The following ATXN1 variants were observed in gnomAD, a reference collection of about 807,000 sequenced individuals.
ATXN1 encodes the protein ataxin-1.
A neutral mutation model predicts 56.4 loss-of-function variants in ATXN1; 8 were observed. The ratio of observed to expected loss-of-function variants is 0.14; its 90% CI spans 0.08 to 0.26. ATXN1 has a LOEUF of 0.26. Among genes scored for constraint, ATXN1 ranks in the 10% least tolerant of loss-of-function variants. The pLI is 1.00. For synonymous variants in ATXN1, 514 were observed against 494.6 expected (o/e 1.04, Z -0.52); for missense variants, 987 against 1,106.5 (o/e 0.89, Z 1.53).
chr6:16,760,391 G>A lies in ATXN1; in HGVS notation c.-730+907C>T, dbSNP rs1195813628. Reference sequence around the variant, plus strand: ...GGCGGGGGCGCCGGCCCGGACTGGGGCGCTCGCGGGCTCCCGGCTCCGGGC... The same window carrying A: ...GGCGGGGGCGCCGGCCCGGACTGGGACGCTCGCGGGCTCCCGGCTCCGGGC... On this transcript the variant is annotated intron_variant, in intron 1 of 7. Coordinates refer to ENST00000436367, the MANE Select transcript of ATXN1 (RefSeq NM_001128164.2). This position sits in a 1 kb window ranked among gnomAD's most constrained non-coding sequence, Gnocchi z 5.3. Among the ~76,000 whole-genome samples, 1 of 151,600 alleles carries A rather than the reference G, an allele frequency of 6.6e-6. No homozygotes were observed. The highest frequency in any genetic ancestry group is 1.9e-4 in the East Asian group (1 of 5,134).
Position 16,326,793 on chromosome 6 carries a change from C to A in ATXN1, c.1518G>T (p.Pro506=). The A allele has an allele frequency of 6.2e-7, 1 of 1,610,102 alleles. No individual in the cohort carries two copies. Residue 506 remains proline, a synonymous_variant, in exon 7 of 8, where the codon CCG becomes CCT. Transcript: ENST00000436367. This position sits in a 1 kb window ranked among gnomAD's most constrained non-coding sequence, Gnocchi z 6.6. ...ACTGGGGGGATGACGTGACTATGGC[C>A]GGGGCTGCCCCCGACGCTTCCATGT... The part of the protein sequence containing the change: ...STDMEASGAA[P]AIVTSSPQFA...
At chr6:16,323,557 A>G (rs1760732896) in intron 7 of ATXN1, among the ~76,000 whole-genome samples, 1 of 120,330 alleles carries the variant, frequency 8.3e-6, no homozygotes, top group Non-Finnish European at 1.7e-5. Flanking sequence ...AAAAAAAAAT[A>G]GAAGAGTCTG....
chr6:16,425,924 T>C lies in ATXN1; in HGVS notation c.-161+60048A>G, dbSNP rs111228543. ...CCTATAAGCATGATGACATTAGAAT[T>C]AGACTTCAAAGCTAGCCTCAAGATG... is the stretch of plus-strand genomic sequence containing the variant. On this transcript the variant is annotated intron_variant, in intron 6 of 7. Transcript: ENST00000436367. Among the ~76,000 whole-genome samples the C allele has an allele frequency of 2.7e-3, 405 of 152,208 alleles. 1 individual carries two copies. Among genetic ancestry groups the C allele is most frequent in the Non-Finnish European group, 4.0e-3 (270 of 68,000 alleles).
chr6:16,443,685 T>A (rs1759569464), intron 6 of ATXN1, among the ~76,000 whole-genome samples: 3 of 152,218 alleles, frequency 2.0e-5, no homozygotes, highest in Non-Finnish European at 2.9e-5. Context: ...AGAAAGTAAA[T>A]GAGTAAATTG....
chr6:16,608,714 G>A (rs1056091804), intron 3 of ATXN1, among the ~76,000 whole-genome samples: 5 of 152,120 alleles, frequency 3.3e-5, no homozygotes, highest in African/African-American at 9.7e-5. Flanking sequence ...TACCTAATTG[G>A]ACCATGCAGC....
At chr6:16,590,557 A>G (rs1762703919) in intron 3 of ATXN1, among the ~76,000 whole-genome samples, 1 of 152,224 alleles carries the variant, frequency 6.6e-6, no homozygotes, top group African/African-American at 2.4e-5. Flanking sequence ...CTCAATTCAC[A>G]TTTATCACTG....
At chr6:16,592,471 G>A (rs1002841837) in intron 3 of ATXN1, among the ~76,000 whole-genome samples, 4 of 152,082 alleles carry the variant, frequency 2.6e-5, no homozygotes, top group Non-Finnish European at 5.9e-5. Flanking sequence ...AAAAGAACAG[G>A]TTTCTCATAA....
chr6:16,332,657 G>C (rs1184785617), intron 6 of ATXN1, among the ~76,000 whole-genome samples: 2 of 152,234 alleles, frequency 1.3e-5, no homozygotes, highest in Non-Finnish European at 2.9e-5. Context: ...TATTGGAAAA[G>C]GGAAATTGGA....
intron 7 of ATXN1, among the ~76,000 whole-genome samples, chr6:16,309,369 G>T (rs72840234): frequency 0.024 from 3,636 of 151,982 alleles, 83 homozygotes; most frequent in African/African-American, 0.064. Context: ...GATTAAGAAA[G>T]AATTCAGGAA....
intron 6 of ATXN1, among the ~76,000 whole-genome samples, chr6:16,449,964 T>C (rs1447557529): frequency 6.6e-6 from 1 of 152,246 alleles, no homozygotes; most frequent in Admixed American, 6.5e-5. Context: ...CAAAGCTTCA[T>C]TGTTCTTTCT....
chr6:16,580,590 A>C (rs550432084), intron 4 of ATXN1, among the ~76,000 whole-genome samples: 2 of 152,236 alleles, frequency 1.3e-5, no homozygotes, highest in African/African-American at 4.8e-5. Context: ...ATGATGGAAT[A>C]GTCTACCTTA....
In ATXN1 at chr6:16,608,135, G is replaced by A. The variant is rs370259794; in HGVS notation, c.-488-22228C>T. 5.8e-4 allele frequency among the ~76,000 whole-genome samples: 89 copies of A among 152,258 alleles called. 3 individuals carry two copies. In the South Asian group the frequency reaches 0.011, roughly 18 times the overall value. On this transcript the variant is annotated intron_variant, in intron 3 of 7. Transcript: ENST00000436367. The stretch of plus-strand genomic sequence containing the variant: ...CAGCTTTAGTCCAGATCTGTTCCAC[G>A]CAACCCTGGCAATATTACCTCTGTT...
At chr6:16,516,283 T>G (rs896584560) in intron 5 of ATXN1, among the ~76,000 whole-genome samples, 2 of 152,202 alleles carry the variant, frequency 1.3e-5, no homozygotes, top group African/African-American at 4.8e-5. Flanking sequence ...CAAGTCACAA[T>G]GCATTCTTAA....
chr6:16,585,454 TCTA>T (rs1204306493), intron 4 of ATXN1, among the ~76,000 whole-genome samples: 2 of 152,336 alleles, frequency 1.3e-5, no homozygotes, highest in South Asian at 4.1e-4. Flanking sequence ...TTCTACAATC[TCTA>T]CTACCATTTG....
At chr6:16,728,425 G>T (rs1315922900) in intron 2 of ATXN1, among the ~76,000 whole-genome samples, 1 of 152,160 alleles carries the variant, frequency 6.6e-6, no homozygotes, top group African/African-American at 2.4e-5. Flanking sequence ...AAGCAGGGTG[G>T]TCAGAAACAA....
intron 2 of ATXN1, chr6:16,738,839 T>C (rs975699842): frequency 2.0e-5 from 3 of 152,230 alleles, no homozygotes; most frequent in Non-Finnish European, 2.9e-5. Context: ...AGCAAAAATA[T>C]GGTTGTCAGA....
chr6:16,583,534 A>G (rs1762565046), intron 4 of ATXN1, among the ~76,000 whole-genome samples: 1 of 152,134 alleles, frequency 6.6e-6, no homozygotes, highest in Non-Finnish European at 1.5e-5. Flanking sequence ...CTTATTTAGT[A>G]ATGACGGGAA....
At chr6:16,319,636 C>T (rs1410894068) in intron 7 of ATXN1, among the ~76,000 whole-genome samples, 1 of 152,174 alleles carries the variant, frequency 6.6e-6, no homozygotes, top group Non-Finnish European at 1.5e-5. Flanking sequence ...TCAGTTGTAA[C>T]CAATCTATCA....
intron 6 of ATXN1, among the ~76,000 whole-genome samples, chr6:16,432,317 T>C (rs1262424681): frequency 6.6e-6 from 1 of 152,218 alleles, no homozygotes; most frequent in Admixed American, 6.5e-5. Flanking sequence ...GCCAGGCTCA[T>C]GCTGAGAATA....
Sources: allele counts gnomAD v4.1 joint callset (sites outside exome capture counted in the v4.1 genomes callset), GRCh38; gene constraint gnomAD v4.1.1; non-coding constraint Gnocchi (gnomAD v3.1); transcripts MANE v1.5; gene names NCBI Gene and HGNC (gene_info 2026-07-23, HGNC 2026-07-21).